Variants in ERBB4 observed in about 807,000 individuals in gnomAD.
ERBB4 encodes erb-b2 receptor tyrosine kinase 4.
In ERBB4, 42 loss-of-function variants were observed where a neutral mutation model predicts 158.0. That is an observed-to-expected ratio of 0.27 (90% CI 0.21 to 0.34). The LOEUF is 0.34. Among genes scored for constraint, ERBB4 ranks in the 10% least tolerant of loss-of-function variants. The pLI, the probability that ERBB4 is intolerant of heterozygous loss-of-function variation, is 1.00. For missense variants in ERBB4, 1,333 were observed against 1,624.1 expected, an observed-to-expected ratio of 0.82 and a Z score of 3.08; for synonymous variants, 583 against 558.7, an observed-to-expected ratio of 1.04 and a Z score of -0.61.
At chr2:212,191,569 CATGTGTTATGCCTGTTATATATAACACAT>C (rs1160489470) in intron 1 of ERBB4, among the ~76,000 whole-genome samples, 9 of 22,956 alleles carry the variant, frequency 3.9e-4, no homozygotes, top group East Asian at 1.1e-3. Flanking sequence ...ATATATAACA[CATGTGTTATGCCTGTTATATATAACACAT>C]GTGTTATGCC....
intron 3 of ERBB4, among the ~76,000 whole-genome samples, chr2:211,848,136 T>A (rs979134490): frequency 5.3e-5 from 8 of 152,044 alleles, no homozygotes; most frequent in African/African-American, 1.9e-4. Context: ...CCCAAGTTAT[T>A]TTGAAGCATA....
chr2:212,406,679 C>T (rs1252726651), intron 1 of ERBB4, among the ~76,000 whole-genome samples: 6 of 152,084 alleles, frequency 3.9e-5, no homozygotes, highest in Non-Finnish European at 8.8e-5. Flanking sequence ...AGAGACTCAT[C>T]GTTGACTGGG....
At chr2:211,538,642 C>T (rs1050472619) in intron 20 of ERBB4, among the ~76,000 whole-genome samples, 1 of 151,762 alleles carries the variant, frequency 6.6e-6, no homozygotes, top group East Asian at 1.9e-4. Flanking sequence ...CAGTAAGTCC[C>T]GTAATCCTTT....
chr2:212,242,906 A>T (rs2084167268), intron 1 of ERBB4, among the ~76,000 whole-genome samples: 1 of 152,150 alleles, frequency 6.6e-6, no homozygotes. Context: ...AGAAAGAAAT[A>T]TTTTGACAGG....
chr2:212,240,494 G>A (rs548241110), intron 1 of ERBB4, among the ~76,000 whole-genome samples: 7 of 151,682 alleles, frequency 4.6e-5, no homozygotes, highest in Admixed American at 6.6e-5. Flanking sequence ...TTAGCCAGGC[G>A]TGGTGGTGCA....
At chr2:212,341,438 T>G (rs183307079) in intron 1 of ERBB4, among the ~76,000 whole-genome samples, 120 of 152,112 alleles carry the variant, frequency 7.9e-4, no homozygotes, top group Non-Finnish European at 1.6e-3. Flanking sequence ...CTTTTTAGCT[T>G]CCTTTTATTT....
At chr2:212,065,229 G>A (rs539887773) in intron 2 of ERBB4, among the ~76,000 whole-genome samples, 1 of 152,074 alleles carries the variant, frequency 6.6e-6, no homozygotes, top group East Asian at 1.9e-4. Context: ...AAGTTAGTTT[G>A]CCGCTAATTA....
At chr2:211,844,957 T>A (rs961349065) in intron 3 of ERBB4, among the ~76,000 whole-genome samples, 1 of 152,064 alleles carries the variant, frequency 6.6e-6, no homozygotes, top group Non-Finnish European at 1.5e-5. Context: ...GGCACTGCAC[T>A]GAGAGAAAGA....
intron 9 of ERBB4, among the ~76,000 whole-genome samples, chr2:211,707,887 G>T (rs182169525): frequency 5.9e-5 from 9 of 151,988 alleles, no homozygotes; most frequent in Non-Finnish European, 1.0e-4. Flanking sequence ...TTTAAAAAGC[G>T]TAACAACCTC....
intron 2 of ERBB4, among the ~76,000 whole-genome samples, chr2:211,996,558 G>C (rs1461448948): frequency 6.6e-6 from 1 of 151,974 alleles, no homozygotes; most frequent in Non-Finnish European, 1.5e-5. Flanking sequence ...ATCTCATTAA[G>C]GTTTTCCCCA....
chr2:212,140,375 ATATGTTTATGTATCTATAGTAATAT>A (rs2080414728), intron 1 of ERBB4, among the ~76,000 whole-genome samples: 1 of 120,510 alleles, frequency 8.3e-6, no homozygotes, highest in African/African-American at 4.8e-5. Context: ...AGTAATATCT[ATATGTTTATGTATCTATAGTAATAT>A]CTATATATAT....
At chr2:211,444,930 C>G (rs991589801) in intron 20 of ERBB4, among the ~76,000 whole-genome samples, 2 of 151,900 alleles carry the variant, frequency 1.3e-5, no homozygotes, top group African/African-American at 4.8e-5. Context: ...GGAATTTGAG[C>G]TTGATATTGA....
chr2:212,128,508 A>C (rs2080010703), intron 1 of ERBB4, among the ~76,000 whole-genome samples: 1 of 152,210 alleles, frequency 6.6e-6, no homozygotes, highest in Admixed American at 6.5e-5. Flanking sequence ...CACACCTTAG[A>C]GATGGCTGAG....
intron 1 of ERBB4, among the ~76,000 whole-genome samples, chr2:212,523,315 T>G (rs549869479): frequency 4.0e-4 from 61 of 151,954 alleles, no homozygotes; most frequent in Non-Finnish European, 7.4e-4. Flanking sequence ...AAATTCCTGC[T>G]GTGCCTAACT....
At chr2:212,202,449 A>G (rs2082615189) in intron 1 of ERBB4, among the ~76,000 whole-genome samples, 2 of 152,188 alleles carry the variant, frequency 1.3e-5, no homozygotes, top group South Asian at 2.1e-4. Context: ...CCTGGGCTCA[A>G]GTGATCCTCC....
intron 25 of ERBB4, among the ~76,000 whole-genome samples, chr2:211,392,484 AT>A (rs1191903546): frequency 6.6e-6 from 1 of 151,622 alleles, no homozygotes; most frequent in African/African-American, 2.4e-5. Flanking sequence ...GTATACATAT[AT>A]TTATTTATTT....
In ERBB4 at chr2:211,381,736, T is replaced by C; in HGVS notation, c.*1879A>G. On this transcript the variant is annotated 3_prime_UTR_variant, in exon 28 of 28. Coordinates refer to ENST00000342788, the MANE Select transcript of ERBB4 (RefSeq NM_005235.3). Reference sequence around the variant, plus strand: ...ACACAAATTTCTTTGGATTTTTTTCTCTAAACTTTCTCTGCCTTAATAGAT... The same window carrying C: ...ACACAAATTTCTTTGGATTTTTTTCCCTAAACTTTCTCTGCCTTAATAGAT... The C allele has an allele frequency of 4.3e-6, 1 of 231,404 alleles. No individual in the cohort carries two copies. The highest frequency in any genetic ancestry group is 8.6e-6 in the Non-Finnish European group (1 of 116,906). 14.3% of individuals were successfully genotyped at this position (231,404 alleles called of 1,614,324 possible).
intron 1 of ERBB4, among the ~76,000 whole-genome samples, chr2:212,235,549 T>C (rs569884571): frequency 6.6e-6 from 1 of 152,324 alleles, no homozygotes; most frequent in African/African-American, 2.4e-5. Context: ...AATCTATAAA[T>C]TACTTTGGGC....
At chr2:212,433,199 A>G (rs1453026881) in intron 1 of ERBB4, among the ~76,000 whole-genome samples, 1 of 152,082 alleles carries the variant, frequency 6.6e-6, no homozygotes, top group Non-Finnish European at 1.5e-5. Flanking sequence ...CCTTCATAGG[A>G]TAATTAATAT....
Sources: allele counts gnomAD v4.1 joint callset (sites outside exome capture counted in the v4.1 genomes callset), GRCh38; gene constraint gnomAD v4.1.1; transcripts MANE v1.5; gene names NCBI Gene and HGNC (gene_info 2026-07-23, HGNC 2026-07-21).